EXOC2: variants seen among roughly 807,000 people sequenced by gnomAD.
EXOC2 encodes the protein exocyst complex component 2.
EXOC2 carries 70 observed loss-of-function variants against 131.8 expected under a neutral mutation model. That is an observed-to-expected ratio of 0.53 (90% CI 0.44 to 0.65). The LOEUF is 0.65. Ranked by LOEUF, EXOC2 falls within the 30% of genes least tolerant of loss-of-function variation. The pLI, the probability that EXOC2 is intolerant of heterozygous loss-of-function variation, is 0.00. For missense variants in EXOC2, 923 were observed against 1,108.6 expected (o/e 0.83, Z 2.38); for synonymous variants, 411 against 398.4 (o/e 1.03, Z -0.38).
chr6:491,660 T>G (rs1763442576), intron 25 of EXOC2, among the ~76,000 whole-genome samples: 1 of 152,234 alleles, frequency 6.6e-6, no homozygotes, highest in Non-Finnish European at 1.5e-5. Flanking sequence ...GCTCTATGGA[T>G]TCAATGCAAT....
In EXOC2 at chr6:587,074, T is replaced by C. The variant is rs149025117; in HGVS notation, c.1192+5395A>G. The stretch of plus-strand genomic sequence containing the variant: ...TTTATATTATATATAATTAGGACAA[T>C]AATAAAACATCCACCAAGGGTCCCT... On this transcript the variant is annotated intron_variant, in intron 11 of 27. Coordinates refer to ENST00000230449, the MANE Select transcript of EXOC2 (RefSeq NM_018303.6). Among the ~76,000 whole-genome samples, 662 of 152,246 alleles carry C rather than the reference T, an allele frequency of 4.3e-3. 4 individuals carry two copies. Among genetic ancestry groups the C allele is most frequent in the Non-Finnish European group, 7.1e-3 (480 of 68,016 alleles).
intron 22 of EXOC2, among the ~76,000 whole-genome samples, chr6:545,464 C>T (rs897902148): frequency 1.1e-4 from 17 of 152,112 alleles, no homozygotes; most frequent in African/African-American, 3.4e-4. Context: ...TAAATTGCAA[C>T]TTATTTGCAA....
chr6:675,187 C>T (rs115664371), intron 1 of EXOC2, among the ~76,000 whole-genome samples: 2 of 152,128 alleles, frequency 1.3e-5, no homozygotes, highest in African/African-American at 4.8e-5. Flanking sequence ...GATAATAAAA[C>T]CTACATTTTA....
At chr6:625,527 T>A (rs1761518428) in intron 4 of EXOC2, among the ~76,000 whole-genome samples, 1 of 149,636 alleles carries the variant, frequency 6.7e-6, no homozygotes, top group Admixed American at 6.6e-5. Context: ...TCTTTTTTTT[T>A]TTTTTTTTTT....
rs376725914 is a variant in EXOC2 at position 595,801 on chromosome 6, G to A, written c.1073+2220C>T. ...AGGACGTCTGAGGCTACCCAGCTGC[G>A]TGTCCTGGACACTACGCTCAACCTC... On this transcript the variant is annotated intron_variant, in intron 10 of 27. Coordinates refer to ENST00000230449, the MANE Select transcript of EXOC2 (RefSeq NM_018303.6). Among the ~76,000 whole-genome samples the A allele has an allele frequency of 8.5e-5, 13 of 152,190 alleles. No homozygotes were observed. The East Asian group carries it at 2.5e-3, about 29-fold the overall frequency.
chr6:511,546 C>A (rs1262381117), intron 23 of EXOC2, among the ~76,000 whole-genome samples: 1 of 152,238 alleles, frequency 6.6e-6, no homozygotes, highest in Non-Finnish European at 1.5e-5. Context: ...CCACAAAGCA[C>A]TGGCCTTGCA....
At chr6:557,570 A>C (rs1025890779) in intron 17 of EXOC2, among the ~76,000 whole-genome samples, 2 of 137,408 alleles carry the variant, frequency 1.5e-5, no homozygotes, top group Admixed American at 8.1e-5. Context: ...GTGAGCCAAG[A>C]TTGCGCCACT....
intron 12 of EXOC2, among the ~76,000 whole-genome samples, chr6:573,758 A>G (rs1473386275): frequency 1.3e-5 from 2 of 152,030 alleles, no homozygotes; most frequent in Non-Finnish European, 2.9e-5. Context: ...ATCAGGTAAT[A>G]CATGGTTAGA....
chr6:491,770 CA>C (rs1214486341), intron 25 of EXOC2, among the ~76,000 whole-genome samples: 1 of 152,198 alleles, frequency 6.6e-6, no homozygotes, highest in African/African-American at 2.4e-5. Flanking sequence ...ACAGCCAAAA[CA>C]ATCTTAGAGT....
intron 23 of EXOC2, among the ~76,000 whole-genome samples, chr6:521,237 C>T (rs150949258): frequency 4.0e-4 from 61 of 151,230 alleles, no homozygotes; most frequent in South Asian, 6.3e-4. Flanking sequence ...CACTGAGCAC[C>T]GACACGCACC....
At chr6:591,004 T>C (rs1326420318) in intron 11 of EXOC2, among the ~76,000 whole-genome samples, 2 of 152,204 alleles carry the variant, frequency 1.3e-5, no homozygotes, top group East Asian at 3.8e-4. Context: ...TCACCCTAAC[T>C]AGCTGCCAGT....
At chr6:564,422 G>A in intron 15 of EXOC2, 123 bp downstream of exon 15, 1 of 1,353,634 alleles carries the variant, frequency 7.4e-7, no homozygotes, top group East Asian at 2.3e-5. Context: ...ACAGGAAACA[G>A]TGGAGGCAAA....
At chr6:525,562 A>T (rs1765692374) in intron 23 of EXOC2, 1 of 152,218 alleles carries the variant, frequency 6.6e-6, no homozygotes, top group Non-Finnish European at 1.5e-5. Flanking sequence ...GAAGAAAACA[A>T]GTTAGTACTG....
chr6:572,401 A>G (rs1035234769), intron 13 of EXOC2, 119 bp downstream of exon 13: 2 of 1,288,064 alleles, frequency 1.6e-6, no homozygotes, highest in Non-Finnish European at 2.1e-6. Context: ...ATTTTAAACT[A>G]TGACGATGGC....
At chr6:647,628 C>T (rs759395798) in intron 1 of EXOC2, among the ~76,000 whole-genome samples, 23 of 124,262 alleles carry the variant, frequency 1.9e-4, no homozygotes, top group Non-Finnish European at 3.5e-4. Flanking sequence ...ATTCTAATAA[C>T]CTTCATTGTG....
chr6:664,145 A>C (rs1763536125), intron 1 of EXOC2, among the ~76,000 whole-genome samples: 1 of 152,248 alleles, frequency 6.6e-6, no homozygotes, highest in Non-Finnish European at 1.5e-5. Flanking sequence ...GAAAGCAACC[A>C]AGTGGAGAAT....
chr6:555,786 CTTACA>C (rs985328447), intron 19 of EXOC2, among the ~76,000 whole-genome samples, 163 bp downstream of exon 19: 19 of 152,192 alleles, frequency 1.2e-4, no homozygotes, highest in Non-Finnish European at 2.2e-4. Flanking sequence ...TGGAATTAAT[CTTACA>C]TTAAACTTTG....
At chr6:574,836 G>A (rs945117049) in intron 12 of EXOC2, among the ~76,000 whole-genome samples, 3 of 152,246 alleles carry the variant, frequency 2.0e-5, no homozygotes, top group African/African-American at 7.2e-5. Context: ...TCTGAGGTGA[G>A]TGGGTTTCAT....
At chr6:649,600 T>C (rs1360528741) in intron 1 of EXOC2, among the ~76,000 whole-genome samples, 1 of 152,242 alleles carries the variant, frequency 6.6e-6, no homozygotes, top group Non-Finnish European at 1.5e-5. Context: ...CGAATGGGGA[T>C]AACCAGAACT....
Sources: allele counts gnomAD v4.1 joint callset (sites outside exome capture counted in the v4.1 genomes callset), GRCh38; gene constraint gnomAD v4.1.1; transcripts MANE v1.5; gene names NCBI Gene and HGNC (gene_info 2026-07-23, HGNC 2026-07-21).